The following TSPAN15 variants were observed in gnomAD, a reference collection of about 807,000 sequenced individuals.
The protein encoded by TSPAN15 is tetraspanin-15.
TSPAN15 carries 20 observed loss-of-function variants against 34.5 expected under a neutral mutation model. That is an observed-to-expected ratio of 0.58 (90% CI 0.41 to 0.84). The LOEUF (loss-of-function observed/expected upper bound fraction) is 0.84. TSPAN15 is among the 40% of genes least tolerant of loss of function. The pLI, the probability that TSPAN15 is intolerant of heterozygous loss-of-function variation, is 0.00. For synonymous variants in TSPAN15, 155 were observed against 153.9 expected (o/e 1.01, Z -0.05); for missense variants, 313 against 386.1 (o/e 0.81, Z 1.59).
intron 1 of TSPAN15, among the ~76,000 whole-genome samples, chr10:69,465,655 G>T (rs1211420849): frequency 6.6e-6 from 1 of 151,910 alleles, no homozygotes; most frequent in Non-Finnish European, 1.5e-5. Flanking sequence ...TGCTCAGAGA[G>T]TTAGGTAACT....
chr10:69,541,741 G>T, the TSPAN15 span, among the ~76,000 whole-genome samples: 1 of 152,264 alleles, frequency 6.6e-6, no homozygotes, highest in East Asian at 1.9e-4. Context: ...TTCAACACCT[G>T]TAAGCTGCCA....
the TSPAN15 span, among the ~76,000 whole-genome samples, chr10:69,546,381 G>T: frequency 6.6e-6 from 1 of 152,166 alleles, no homozygotes; most frequent in Non-Finnish European, 1.5e-5. Context: ...CAGACTCATT[G>T]TTTTAACATT....
At chr10:69,488,552 C>G (rs1841903507) in intron 3 of TSPAN15, among the ~76,000 whole-genome samples, 1 of 152,288 alleles carries the variant, frequency 6.6e-6, no homozygotes, top group South Asian at 2.1e-4. Context: ...TAGGTTCTTT[C>G]TATTTTCCAT....
intron 1 of TSPAN15, among the ~76,000 whole-genome samples, chr10:69,461,681 ACAGTG>A (rs1185995992): frequency 6.6e-6 from 1 of 152,144 alleles, no homozygotes; most frequent in East Asian, 1.9e-4. Context: ...AGGCATGGGC[ACAGTG>A]TGGCTGGTGG....
chr10:69,518,784 G>T, the TSPAN15 span, among the ~76,000 whole-genome samples: 2 of 152,182 alleles, frequency 1.3e-5, no homozygotes, highest in East Asian at 1.9e-4. Context: ...AACTCCTGTG[G>T]CAGTCCTTCC....
At chr10:69,526,318 AG>A in the TSPAN15 span, among the ~76,000 whole-genome samples, 2 of 148,582 alleles carry the variant, frequency 1.3e-5, no homozygotes, top group South Asian at 4.2e-4. Flanking sequence ...TGTGATTAAA[AG>A]TCTATGACTC....
chr10:69,520,596 T>C, the TSPAN15 span, among the ~76,000 whole-genome samples: 73 of 152,276 alleles, frequency 4.8e-4, no homozygotes, highest in African/African-American at 1.6e-3. Flanking sequence ...GTGGAGGTTG[T>C]AGTGAGCCGA....
the TSPAN15 span, among the ~76,000 whole-genome samples, chr10:69,547,186 A>G: frequency 6.6e-6 from 1 of 151,894 alleles, no homozygotes; most frequent in Non-Finnish European, 1.5e-5. Context: ...TGGGCAACAG[A>G]GTGAGACTCC....
At chr10:69,463,179 T>C (rs1239407705) in intron 1 of TSPAN15, among the ~76,000 whole-genome samples, 1 of 152,280 alleles carries the variant, frequency 6.6e-6, no homozygotes, top group Non-Finnish European at 1.5e-5. Flanking sequence ...TTAACTTTTA[T>C]GAGTCAGGGA....
chr10:69,495,778 C>A, intron 4 of TSPAN15, 89 bp downstream of exon 4: 2 of 920,462 alleles, frequency 2.2e-6, no homozygotes, highest in Non-Finnish European at 3.5e-6. Flanking sequence ...GGTGAGGGAC[C>A]AGGTGACTTA....
chr10:69,535,322 C>T, the TSPAN15 span, among the ~76,000 whole-genome samples: 1 of 152,102 alleles, frequency 6.6e-6, no homozygotes. Flanking sequence ...TGAAGAGGCT[C>T]CCAGTAGCCA....
At chr10:69,490,525 A>G (rs1398319285) in intron 3 of TSPAN15, among the ~76,000 whole-genome samples, 1 of 152,236 alleles carries the variant, frequency 6.6e-6, no homozygotes, top group Non-Finnish European at 1.5e-5. Flanking sequence ...GTTTGAGAAC[A>G]GCCTGGCCAA....
At chr10:69,490,758 C>T (rs1160719520) in intron 3 of TSPAN15, among the ~76,000 whole-genome samples, 1 of 152,174 alleles carries the variant, frequency 6.6e-6, no homozygotes. Context: ...AACCCAGATA[C>T]CTAATACATT....
chr10:69,542,586 C>A, the TSPAN15 span, among the ~76,000 whole-genome samples: 20 of 152,228 alleles, frequency 1.3e-4, no homozygotes, highest in African/African-American at 4.1e-4. Context: ...AGGAAACTTA[C>A]AATCATGATG....
intron 1 of TSPAN15, among the ~76,000 whole-genome samples, chr10:69,461,519 A>G (rs1841257462): frequency 6.6e-6 from 1 of 152,128 alleles, no homozygotes; most frequent in Non-Finnish European, 1.5e-5. Flanking sequence ...GTGACCTTGT[A>G]TGAGTGACAC....
At chr10:69,480,180 G>A (rs1052889187) in intron 1 of TSPAN15, among the ~76,000 whole-genome samples, 9 of 152,138 alleles carry the variant, frequency 5.9e-5, no homozygotes, top group Admixed American at 3.3e-4. Flanking sequence ...CAGCATTGGG[G>A]CCAGTGGCAG....
chr10:69,465,543 C>T (rs924240596), intron 1 of TSPAN15, among the ~76,000 whole-genome samples: 2 of 152,158 alleles, frequency 1.3e-5, no homozygotes, highest in Non-Finnish European at 2.9e-5. Flanking sequence ...TTCTTGTGTG[C>T]CAGGCTCTGG....
At chr10:69,530,810 CTCTCTCTCTCTATATATATA>C in the TSPAN15 span, among the ~76,000 whole-genome samples, 330 of 68,562 alleles carry the variant, frequency 4.8e-3, no homozygotes, top group East Asian at 0.019. Flanking sequence ...CTCTCTCTCT[CTCTCTCTCTCTATATATATA>C]TATATATATA....
intron 1 of TSPAN15, among the ~76,000 whole-genome samples, chr10:69,467,219 T>G (rs1841403250): frequency 6.6e-6 from 1 of 152,194 alleles, no homozygotes; most frequent in African/African-American, 2.4e-5. Flanking sequence ...GGCACCCTGT[T>G]TCCTAATAGG....
Sources: gnomAD v4.1 joint callset for allele counts (sites outside exome capture counted in the v4.1 genomes callset) on GRCh38, gnomAD v4.1.1 for gene constraint, MANE v1.5 for transcripts, NCBI Gene and HGNC (gene_info 2026-07-23, HGNC 2026-07-21) for gene names.